The following NRXN3 variants were observed in gnomAD, a reference collection of about 807,000 sequenced individuals.
The protein encoded by NRXN3 is neurexin III.
NRXN3 carries 32 observed loss-of-function variants against 137.6 expected under a neutral mutation model. The observed-to-expected ratio is 0.23, with a 90% CI of 0.18 to 0.31. The LOEUF (loss-of-function observed/expected upper bound fraction) is 0.31. Ranked by LOEUF, NRXN3 falls within the 10% of genes least tolerant of loss-of-function variation. The probability of loss-of-function intolerance (pLI) is 1.00; values close to 1 mark genes in which losing one functional copy is unlikely to be tolerated. For missense variants in NRXN3, 1,574 were observed against 2,062.5 expected (o/e 0.76, Z 4.59); for synonymous variants, 798 against 784.5 (o/e 1.02, Z -0.29).
At chr14:78,675,475 C>T (rs574163851) in intron 6 of NRXN3, among the ~76,000 whole-genome samples, 248 of 152,176 alleles carry the variant, frequency 1.6e-3, no homozygotes, top group Non-Finnish European at 2.4e-3. Flanking sequence ...TTTACCATAC[C>T]TTTATTCCTC....
intron 3 of NRXN3, among the ~76,000 whole-genome samples, chr14:78,290,950 T>G (rs1407443926): frequency 6.6e-6 from 1 of 152,152 alleles, no homozygotes. Flanking sequence ...ACTAGATAAC[T>G]TGGGAAAGGA....
intron 16 of NRXN3, among the ~76,000 whole-genome samples, chr14:79,600,838 G>A (rs1379691162): frequency 2.6e-5 from 4 of 151,872 alleles, no homozygotes; most frequent in African/African-American, 4.8e-5. Context: ...AGATGAGCCC[G>A]GAGAATCTGG....
chr14:78,929,553 C>A (rs1008379209), intron 10 of NRXN3, among the ~76,000 whole-genome samples: 5 of 152,200 alleles, frequency 3.3e-5, no homozygotes, highest in Non-Finnish European at 7.3e-5. Context: ...TTTTTTATGG[C>A]TGCATAGTAT....
chr14:79,015,632 G>A (rs184984287), intron 15 of NRXN3, among the ~76,000 whole-genome samples: 51 of 152,192 alleles, frequency 3.4e-4, no homozygotes, highest in Admixed American at 1.1e-3. Context: ...TCTAAGGCCC[G>A]CCTCCCAAGT....
chr14:78,983,878 A>G (rs954248728), intron 14 of NRXN3, among the ~76,000 whole-genome samples: 1 of 151,600 alleles, frequency 6.6e-6, no homozygotes, highest in East Asian at 1.9e-4. Flanking sequence ...AAAAAGAAAA[A>G]AAAAGAAAAA....
At chr14:78,376,635 G>A (rs943837539) in intron 4 of NRXN3, among the ~76,000 whole-genome samples, 2 of 152,114 alleles carry the variant, frequency 1.3e-5, no homozygotes, top group Admixed American at 6.6e-5. Flanking sequence ...CATATCTGGA[G>A]CTAAAGAAGC....
chr14:78,259,686 TG>T (rs1295553486), intron 2 of NRXN3, among the ~76,000 whole-genome samples: 12 of 152,266 alleles, frequency 7.9e-5, no homozygotes, highest in South Asian at 6.2e-4. Context: ...TTAAGGAAAT[TG>T]AGGCTCAGCT....
chr14:78,304,046 A>G (rs1479459144), intron 4 of NRXN3, among the ~76,000 whole-genome samples: 1 of 152,184 alleles, frequency 6.6e-6, no homozygotes, highest in Non-Finnish European at 1.5e-5. Context: ...GATAGACAGG[A>G]TTAGATTTTC....
chr14:79,012,426 A>G (rs138312733), intron 15 of NRXN3, among the ~76,000 whole-genome samples: 54 of 152,318 alleles, frequency 3.5e-4, no homozygotes, highest in Middle Eastern at 3.4e-3. Flanking sequence ...CTTTAGGCCC[A>G]TGGTGATTAT....
chr14:78,868,626 C>G (rs1209888464), intron 10 of NRXN3, among the ~76,000 whole-genome samples: 3 of 151,910 alleles, frequency 2.0e-5, no homozygotes, highest in Non-Finnish European at 4.4e-5. Context: ...TTGAGACCAG[C>G]CTGACCAACA....
At chr14:78,303,583 C>T (rs1000975331) in intron 4 of NRXN3, among the ~76,000 whole-genome samples, 1 of 152,006 alleles carries the variant, frequency 6.6e-6, no homozygotes, top group African/African-American at 2.4e-5. Context: ...AGGTGCCTTC[C>T]CTGCTTTATT....
At position 79,850,186 on chromosome 14, in the gene NRXN3, T is replaced by C. The variant is rs1475945150; in HGVS notation, c.4094-11156T>C. Among the ~76,000 whole-genome samples, 7 of 152,346 alleles carry C rather than the reference T, an allele frequency of 4.6e-5. No homozygotes were observed. In the East Asian group the frequency reaches 1.3e-3, roughly 29 times the overall value. The stretch of plus-strand genomic sequence containing the variant: ...ATTAGGTATTTGTTATGCCAACTTC[T>C]TTCTCAGCCCTCCCGGTTTGTAACT... On this transcript the variant is annotated intron_variant, in intron 20 of 20. Transcript: ENST00000335750.
chr14:79,243,009 T>C (rs1269380498), intron 15 of NRXN3, among the ~76,000 whole-genome samples: 1 of 152,182 alleles, frequency 6.6e-6, no homozygotes, highest in Non-Finnish European at 1.5e-5. Flanking sequence ...GACATTAATA[T>C]GACACAATTA....
At chr14:79,400,542 T>C (rs1375995598) in intron 15 of NRXN3, among the ~76,000 whole-genome samples, 1 of 152,144 alleles carries the variant, frequency 6.6e-6, no homozygotes, top group Admixed American at 6.6e-5. Flanking sequence ...CTAAACAAAT[T>C]AGTTCCAAAG....
intron 15 of NRXN3, among the ~76,000 whole-genome samples, chr14:79,261,645 T>TGGG (rs1568839126): frequency 3.1e-4 from 7 of 22,828 alleles, no homozygotes; most frequent in Non-Finnish European, 5.8e-4. Flanking sequence ...GTGTGTGTGA[T>TGGG]GGGGTGGGGG....
chr14:78,710,703 G>A (rs1251351504), intron 7 of NRXN3, among the ~76,000 whole-genome samples: 1 of 152,196 alleles, frequency 6.6e-6, no homozygotes, highest in Non-Finnish European at 1.5e-5. Context: ...GGCTGAAACT[G>A]GGAGTGACTG....
chr14:78,405,445 T>C (rs563231119), intron 4 of NRXN3, among the ~76,000 whole-genome samples: 13 of 152,334 alleles, frequency 8.5e-5, no homozygotes, highest in African/African-American at 3.1e-4. Context: ...TCCCTTCCGA[T>C]CCTGCTTAAT....
intron 2 of NRXN3, among the ~76,000 whole-genome samples, chr14:78,248,450 T>C (rs1170479427): frequency 6.6e-6 from 1 of 151,924 alleles, no homozygotes; most frequent in Non-Finnish European, 1.5e-5. Flanking sequence ...ATTGAGAATT[T>C]ATGACTCTTG....
intron 3 of NRXN3, among the ~76,000 whole-genome samples, chr14:78,295,094 T>G (rs993869941): frequency 6.6e-6 from 1 of 152,222 alleles, no homozygotes; most frequent in African/African-American, 2.4e-5. Context: ...GGTTTCCAGT[T>G]TTTAACTCTG....
Sources: gnomAD v4.1 joint callset for allele counts (sites outside exome capture counted in the v4.1 genomes callset) on GRCh38, gnomAD v4.1.1 for gene constraint, MANE v1.5 for transcripts, NCBI Gene and HGNC (gene_info 2026-07-23, HGNC 2026-07-21) for gene names.